CDYL2: variants seen among roughly 807,000 people sequenced by gnomAD.
CDYL2 encodes chromodomain Y-like protein 2.
CDYL2 carries 23 observed loss-of-function variants against 49.4 expected under a neutral mutation model. The observed-to-expected ratio is 0.47, with a 90% CI of 0.34 to 0.66. The LOEUF is 0.66. Among genes scored for constraint, CDYL2 ranks in the 30% least tolerant of loss-of-function variants. The pLI is 0.01. For missense variants in CDYL2, 678 were observed against 656.4 expected, an observed-to-expected ratio of 1.03 and a Z score of -0.36; for synonymous variants, 360 against 268.8, an observed-to-expected ratio of 1.34 and a Z score of -3.32.
At position 80,612,880 on chromosome 16, in the gene CDYL2, G is replaced by A; in HGVS notation, c.1008-44C>T. ...CCTCTTGAACAGGTGACTATAGCAT[G>A]CTAAGCCCCACTGGAACCCTTGACT... On this transcript the variant is annotated intron_variant, in intron 4 of 6. Coordinates refer to ENST00000570137, the MANE Select transcript of CDYL2 (RefSeq NM_152342.4). The surrounding 1 kb of genome is among the most constrained non-coding windows in gnomAD (Gnocchi z 5.0). 1 of 1,523,996 alleles carries A rather than the reference G, an allele frequency of 6.6e-7. No individual in the cohort carries two copies. Among genetic ancestry groups the A allele is most frequent in the Non-Finnish European group, 8.9e-7 (1 of 1,126,520 alleles). 94.4% of individuals were successfully genotyped at this position (1,523,996 alleles called of 1,614,324 possible).
rs148988010 is a variant in CDYL2, at chr16:80,614,145, G to T, written c.1008-1309C>A. Among the ~76,000 whole-genome samples the T allele has an allele frequency of 4.9e-4, 74 of 152,326 alleles. 1 individual carries two copies. The highest frequency in any genetic ancestry group is 9.2e-4 in the Admixed American group (14 of 15,300). ...GTAAACAGCTGTTGAGCAAATACAT[G>T]AGTCTCCCAGAACAAGAACAAAGAC... On this transcript the variant is annotated intron_variant, in intron 4 of 6. Coordinates refer to ENST00000570137, the MANE Select transcript of CDYL2 (RefSeq NM_152342.4).
At chr16:80,801,161 A>G (rs1907916122) in intron 1 of CDYL2, among the ~76,000 whole-genome samples, 1 of 152,224 alleles carries the variant, frequency 6.6e-6, no homozygotes, top group African/African-American at 2.4e-5. Flanking sequence ...TTCGATCCAG[A>G]CAGATACCTG....
intron 1 of CDYL2, among the ~76,000 whole-genome samples, chr16:80,723,363 G>A (rs1905061023): frequency 6.6e-6 from 1 of 152,214 alleles, no homozygotes; most frequent in South Asian, 2.1e-4. Flanking sequence ...GAGGAGCTGA[G>A]ATGAACATTC....
At chr16:80,786,195 A>C (rs1455994246) in intron 1 of CDYL2, among the ~76,000 whole-genome samples, 1 of 152,194 alleles carries the variant, frequency 6.6e-6, no homozygotes, top group South Asian at 2.1e-4. Context: ...AATGGGAGAA[A>C]ATTTTTGCAA....
intron 1 of CDYL2, among the ~76,000 whole-genome samples, chr16:80,728,137 C>A (rs540725022): frequency 6.6e-6 from 1 of 151,946 alleles, no homozygotes; most frequent in Non-Finnish European, 1.5e-5. Flanking sequence ...AGGCTTCAGA[C>A]GATCAAACTA....
intron 1 of CDYL2, among the ~76,000 whole-genome samples, chr16:80,758,442 C>T (rs1352702098): frequency 6.6e-6 from 1 of 151,882 alleles, no homozygotes; most frequent in Non-Finnish European, 1.5e-5. Context: ...AATCAAAATC[C>T]CAAATGTGTA....
intron 1 of CDYL2, among the ~76,000 whole-genome samples, chr16:80,733,404 G>A (rs888936477): frequency 6.6e-6 from 1 of 152,186 alleles, no homozygotes; most frequent in East Asian, 1.9e-4. Context: ...GCTTGCAACG[G>A]CTTTGCCCTA....
intron 1 of CDYL2, among the ~76,000 whole-genome samples, chr16:80,724,340 G>A (rs1354537536): frequency 1.3e-5 from 2 of 151,794 alleles, no homozygotes; most frequent in East Asian, 1.9e-4. Flanking sequence ...GGAGGAGGAG[G>A]AAGAAATGGA....
intron 1 of CDYL2, among the ~76,000 whole-genome samples, chr16:80,706,628 T>C (rs779003795): frequency 1.3e-5 from 2 of 152,084 alleles, no homozygotes; most frequent in African/African-American, 4.8e-5. Context: ...AATCATCCCC[T>C]CCTCCTGCAC....
intron 1 of CDYL2, among the ~76,000 whole-genome samples, chr16:80,752,922 T>G (rs548106380): frequency 6.6e-6 from 1 of 152,294 alleles, no homozygotes; most frequent in Admixed American, 6.5e-5. Context: ...CTATCCCATA[T>G]TGAAAGCTGA....
intron 2 of CDYL2, among the ~76,000 whole-genome samples, chr16:80,645,871 A>C (rs1482796381): frequency 6.6e-6 from 1 of 151,650 alleles, no homozygotes; most frequent in East Asian, 2.0e-4. Flanking sequence ...CATTCTCAGC[A>C]AACTATCTCA....
chr16:80,741,015 G>T (rs539284633), intron 1 of CDYL2, among the ~76,000 whole-genome samples: 3 of 151,574 alleles, frequency 2.0e-5, no homozygotes, highest in Non-Finnish European at 2.9e-5. Flanking sequence ...AACAGGAATA[G>T]CCCAGAAATT....
intron 1 of CDYL2, among the ~76,000 whole-genome samples, chr16:80,690,506 ATT>A (rs763040139): frequency 1.3e-5 from 2 of 152,112 alleles, no homozygotes; most frequent in African/African-American, 4.8e-5. Flanking sequence ...TTATTTTCTT[ATT>A]TTTTATATAG....
chr16:80,770,938 C>T (rs1906885122), intron 1 of CDYL2, among the ~76,000 whole-genome samples: 1 of 152,174 alleles, frequency 6.6e-6, no homozygotes, highest in Admixed American at 6.5e-5. Context: ...CACTGGAGGA[C>T]ATTTTCTAAA....
chr16:80,801,057 C>T (rs181417642), intron 1 of CDYL2, among the ~76,000 whole-genome samples: 2 of 152,336 alleles, frequency 1.3e-5, no homozygotes, highest in East Asian at 3.9e-4. Flanking sequence ...AGTCAAAATG[C>T]GTATGCAGCC....
At chr16:80,727,694 T>C (rs1436398505) in intron 1 of CDYL2, among the ~76,000 whole-genome samples, 3 of 152,156 alleles carry the variant, frequency 2.0e-5, no homozygotes, top group Non-Finnish European at 4.4e-5. Context: ...GACTTAAATG[T>C]CCCTGTCTGA....
At chr16:80,679,687 C>T (rs1286485953) in intron 2 of CDYL2, 1 of 455,892 alleles carries the variant, frequency 2.2e-6, no homozygotes, top group East Asian at 6.9e-5. Flanking sequence ...TTATGAATGC[C>T]AACTCCAGGT....
intron 2 of CDYL2, among the ~76,000 whole-genome samples, chr16:80,679,032 T>C (rs1217742435): frequency 6.9e-6 from 1 of 145,666 alleles, no homozygotes; most frequent in Non-Finnish European, 1.5e-5. Flanking sequence ...AAACACTGCA[T>C]ATTCTCACTC....
rs1389875102 is a variant in CDYL2, at chr16:80,612,128, G to C, written c.1218+498C>G. On this transcript the variant is annotated intron_variant, in intron 5 of 6. Transcript: ENST00000570137. The surrounding 1 kb of genome is among the most constrained non-coding windows in gnomAD (Gnocchi z 5.0). ...AGTCATGGCCAATACCACATGAGTG[G>C]AGGGGAAGACGCCCCTGCCGGCCTG... Among the ~76,000 whole-genome samples, 2 of 152,216 alleles carry C rather than the reference G, an allele frequency of 1.3e-5. No homozygotes were observed. Among genetic ancestry groups the C allele is most frequent in the Non-Finnish European group, 2.9e-5 (2 of 68,034 alleles).
Sources: allele counts gnomAD v4.1 joint callset (sites outside exome capture counted in the v4.1 genomes callset), GRCh38; gene constraint gnomAD v4.1.1; non-coding constraint Gnocchi (gnomAD v3.1); transcripts MANE v1.5; gene names NCBI Gene and HGNC (gene_info 2026-07-23, HGNC 2026-07-21).